Variants in ZNF169 observed in about 807,000 individuals in gnomAD.
The protein encoded by ZNF169 is zinc finger protein 169.
In ZNF169, 11 loss-of-function variants were observed where a neutral mutation model predicts 12.0. The ratio of observed to expected loss-of-function variants is 0.92; its 90% confidence interval spans 0.58 to 1.52. The LOEUF (loss-of-function observed/expected upper bound fraction) is 1.52, where lower values mean the gene tolerates loss of function less well. Ranked by LOEUF, ZNF169 falls within the 40% of genes most tolerant of loss-of-function variation. ZNF169 has a pLI of 0.00. For synonymous variants in ZNF169, 302 were observed against 286.5 expected (o/e 1.05, Z -0.55); for missense variants, 722 against 744.0 (o/e 0.97, Z 0.34).
At position 94,299,824 on chromosome 9, in the gene ZNF169, C is replaced by T. The variant is rs752120583; in HGVS notation, c.266C>T (p.Thr89Ile). ...HLLDLCPEPRTEFQPSFPHLV... is the reference protein window; with the variant it reads ...HLLDLCPEPRIEFQPSFPHLV... ...ACTTTCTCTCTAGCAGAGCCTAGAA[C>T]AGAATTCCAGCCAAGTTTTCCCCAC... The change falls in exon 5 of 5, where the codon ACA becomes ATA. Residue 89 changes from threonine to isoleucine, a missense_variant. By Grantham distance (89) the Thr-to-Ile change is moderately conservative. Transcript: ENST00000395395. 1 of 1,612,782 alleles carries T rather than the reference C, an allele frequency of 6.2e-7. No individual in the cohort carries two copies. Among genetic ancestry groups the T allele is most frequent in the African/African-American group, 1.3e-5 (1 of 75,002 alleles).
Position 94,263,317 on chromosome 9 carries a change from GTT to G in ZNF169, c.-56+3975_-56+3976del, listed in dbSNP as rs1258920401. On this transcript the variant is annotated intron_variant, in intron 1 of 4. Coordinates refer to ENST00000395395, the MANE Select transcript of ZNF169 (RefSeq NM_194320.4). ...GTTATATCTTCCTGATGAATTGACTGTTTTATTTTCATGAAACATCCCTTTGT... is the reference window on the plus strand; with the variant it reads ...GTTATATCTTCCTGATGAATTGACTGTTATTTTCATGAAACATCCCTTTGT... 3.3e-5 allele frequency among the ~76,000 whole-genome samples: 5 copies of G among 152,184 alleles called. No individual in the cohort carries two copies. In the East Asian group the frequency reaches 9.7e-4, roughly 29 times the overall value.
chr9:94,276,021 G>T (rs951873873), intron 1 of ZNF169, among the ~76,000 whole-genome samples: 1 of 151,964 alleles, frequency 6.6e-6, no homozygotes, highest in East Asian at 1.9e-4. Context: ...TGATACACCC[G>T]CCTCAGCCAC....
chr9:94,287,582 T>G (rs1830741170), intron 2 of ZNF169: 1 of 475,922 alleles, frequency 2.1e-6, no homozygotes, highest in Non-Finnish European at 3.9e-6. Context: ...GCCAGGATGG[T>G]CTTGATCTCC....
chr9:94,283,913 A>G (rs941038862), intron 2 of ZNF169, among the ~76,000 whole-genome samples: 1 of 151,618 alleles, frequency 6.6e-6, no homozygotes, highest in African/African-American at 2.4e-5. Context: ...TACTAAAAAT[A>G]CAAAAAAAAT....
At chr9:94,271,974 T>C (rs758989915) in intron 1 of ZNF169, among the ~76,000 whole-genome samples, 5 of 152,160 alleles carry the variant, frequency 3.3e-5, no homozygotes, top group Non-Finnish European at 5.9e-5. Flanking sequence ...CTTTTACTTC[T>C]GGTTAAAGTT....
intron 1 of ZNF169, among the ~76,000 whole-genome samples, chr9:94,259,993 A>G (rs922559677): frequency 6.7e-6 from 1 of 150,060 alleles, no homozygotes; most frequent in Admixed American, 6.6e-5. Flanking sequence ...TCCGCGCCCC[A>G]CCCCAGCCGC....
chr9:94,284,311 G>C (rs2118613850), intron 2 of ZNF169, among the ~76,000 whole-genome samples: 1 of 151,134 alleles, frequency 6.6e-6, no homozygotes, highest in South Asian at 2.1e-4. Flanking sequence ...TGTAATCCCA[G>C]CTACTCAGGA....
chr9:94,293,892 C>T (rs1361649142), intron 4 of ZNF169: 2 of 152,302 alleles, frequency 1.3e-5, no homozygotes, highest in East Asian at 3.9e-4. Flanking sequence ...TGTTATAAAA[C>T]CAGGTAATAG....
At chr9:94,270,938 ATATAT>A (rs1367772057) in intron 1 of ZNF169, among the ~76,000 whole-genome samples, 161 of 6,750 alleles carry the variant, frequency 0.024, 9 homozygotes, top group African/African-American at 0.028. Context: ...ATAATATATA[ATATAT>A]TATATAAATA....
intron 1 of ZNF169, among the ~76,000 whole-genome samples, chr9:94,275,781 TATC>T (rs1341185179): frequency 2.0e-5 from 3 of 148,970 alleles, no homozygotes; most frequent in East Asian, 3.9e-4. Context: ...GGCTCTGCAC[TATC>T]TGTTTTTTTT....
chr9:94,261,973 T>C (rs546108331), intron 1 of ZNF169, among the ~76,000 whole-genome samples: 36 of 152,362 alleles, frequency 2.4e-4, no homozygotes, highest in African/African-American at 7.7e-4. Context: ...GTATCACTTA[T>C]TCAGGCTGTG....
At chr9:94,280,286 G>A (rs1830604595) in intron 2 of ZNF169, among the ~76,000 whole-genome samples, 1 of 152,186 alleles carries the variant, frequency 6.6e-6, no homozygotes, top group Non-Finnish European at 1.5e-5. Flanking sequence ...AGCACAGGCA[G>A]TTCAGGATTT....
At chr9:94,292,231 A>G in intron 2 of ZNF169, 110 bp from the exon 3 acceptor site, 1 of 1,584,624 alleles carries the variant, frequency 6.3e-7, no homozygotes, top group Non-Finnish European at 8.6e-7. Flanking sequence ...TGTAAATCTC[A>G]CTTGGGTGCT....
At chr9:94,286,989 C>A (rs1329786371) in intron 2 of ZNF169, among the ~76,000 whole-genome samples, 1 of 152,190 alleles carries the variant, frequency 6.6e-6, no homozygotes, top group African/African-American at 2.4e-5. Context: ...TTTGTACACA[C>A]AATCAAGCAA....
In ZNF169 at chr9:94,293,519, T is replaced by C. The variant is rs879551415; in HGVS notation, c.256+450T>C. On this transcript the variant is annotated intron_variant, in intron 4 of 4. Transcript: ENST00000395395. ...GCAACCTCTGCCTCCTGTGTTCAAG[T>C]GATTTCTCCTGCCTCACCCTCCTGA... The C allele has an allele frequency of 1.1e-4, 31 of 274,202 alleles. No individual in the cohort carries two copies. In the Admixed American group the frequency reaches 1.5e-3, roughly 13 times the overall value. The allele number at this position is 274,202 out of a possible 1,614,324, so 17.0% of individuals were successfully genotyped here.
intron 1 of ZNF169, among the ~76,000 whole-genome samples, chr9:94,275,646 G>A (rs574395340): frequency 3.9e-5 from 6 of 152,132 alleles, no homozygotes; most frequent in African/African-American, 7.2e-5. Context: ...CTCTCAGTCC[G>A]TGGGTTGTCT....
At chr9:94,263,948 A>G (rs1830247955) in intron 1 of ZNF169, among the ~76,000 whole-genome samples, 1 of 151,922 alleles carries the variant, frequency 6.6e-6, no homozygotes, top group Non-Finnish European at 1.5e-5. Flanking sequence ...TAGAGATGAC[A>G]GTATATATTT....
At chr9:94,271,697 C>T (rs972052630) in intron 1 of ZNF169, among the ~76,000 whole-genome samples, 2 of 132,846 alleles carry the variant, frequency 1.5e-5, no homozygotes, top group Admixed American at 8.8e-5. Flanking sequence ...TCCAGCCTGT[C>T]GACAGGGCAA....
At position 94,300,815 on chromosome 9, in the gene ZNF169, G is replaced by A. The variant is rs1328027541; in HGVS notation, c.1257G>A (p.Arg419=). 6.8e-6 allele frequency: 11 copies of A among 1,613,022 alleles called. No individual in the cohort carries two copies. Among genetic ancestry groups the A allele is most frequent in the Non-Finnish European group, 1.7e-6 (2 of 1,179,776 alleles). ...TTCGCCAAAAGGTCACTCTCATCAGGCACCAGAGGACACACACAGGGGAGA... is the reference window on the plus strand; with the variant it reads ...TTCGCCAAAAGGTCACTCTCATCAGACACCAGAGGACACACACAGGGGAGA... The part of the protein sequence containing the change: ...HSFRQKVTLI[R]HQRTHTGEKP... The change falls in exon 5 of 5, where the codon AGG becomes AGA. Residue 419 remains arginine (R), a synonymous_variant. Transcript: ENST00000395395.
Sources: allele counts gnomAD v4.1 joint callset (sites outside exome capture counted in the v4.1 genomes callset), GRCh38; gene constraint gnomAD v4.1.1; transcripts MANE v1.5; gene names NCBI Gene and HGNC (gene_info 2026-07-23, HGNC 2026-07-21).